Variants in TTC23L observed in about 807,000 individuals in gnomAD.
TTC23L encodes the protein tetratricopeptide repeat domain 23 like, also known as tetratricopeptide repeat protein 23-like.
TTC23L carries 42 observed loss-of-function variants against 48.1 expected under a neutral mutation model. The ratio of observed to expected loss-of-function variants is 0.87; its 90% CI spans 0.68 to 1.13. TTC23L has a LOEUF of 1.13. Ranked by LOEUF, TTC23L falls within the 50% of genes most tolerant of loss-of-function variation. The pLI, the probability that TTC23L is intolerant of heterozygous loss-of-function variation, is 0.00. For missense variants in TTC23L, 391 were observed against 421.0 expected (o/e 0.93, Z 0.62); for synonymous variants, 159 against 157.2 (o/e 1.01, Z -0.09).
chr5:34,881,899 G>A (rs1195227299), intron 9 of TTC23L, among the ~76,000 whole-genome samples: 8 of 149,356 alleles, frequency 5.4e-5, no homozygotes, highest in Non-Finnish European at 1.2e-4. Flanking sequence ...GGAACAGCTG[G>A]GATTACAGGC....
In TTC23L at chr5:34,863,057, A is replaced by G. The variant is rs752443931; in HGVS notation, c.536+3A>G. The G allele has an allele frequency of 6.2e-7, 1 of 1,613,750 alleles. No homozygotes were observed. Among genetic ancestry groups the G allele is most frequent in the South Asian group, 1.1e-5 (1 of 91,062 alleles). On this transcript the variant is annotated splice_donor_region_variant and intron_variant, in intron 5 of 10. Coordinates refer to ENST00000505624, the Ensembl canonical transcript of TTC23L. The surrounding 1 kb of genome is among the most constrained non-coding windows in gnomAD (Gnocchi z 4.1). ...GTGGCCTGGCTCCTGCAGAACCGAT[A>G]TCCTTCCATTCCTAGCTGCGTTTAG...
chr5:34,844,118 A>G (rs1438853428), intron 2 of TTC23L, among the ~76,000 whole-genome samples: 1 of 152,202 alleles, frequency 6.6e-6, no homozygotes, highest in Non-Finnish European at 1.5e-5. Flanking sequence ...GGAGTATGGA[A>G]TTCACCAGGC....
the TTC23L span, chr5:34,915,702 C>T: frequency 2.6e-6 from 4 of 1,562,750 alleles, no homozygotes; most frequent in Non-Finnish European, 3.5e-6. Flanking sequence ...AGCGGCAGCG[C>T]CGGAAAGGAG....
intron 9 of TTC23L, among the ~76,000 whole-genome samples, chr5:34,884,626 T>G (rs767323006): frequency 7.2e-5 from 11 of 151,964 alleles, no homozygotes; most frequent in Non-Finnish European, 1.5e-4. Flanking sequence ...ATCAGTTGTA[T>G]TTTTATATGC....
At chr5:34,872,573 TAGTAGG>T (rs1466611093) in intron 8 of TTC23L, among the ~76,000 whole-genome samples, 4 of 152,138 alleles carry the variant, frequency 2.6e-5, no homozygotes, top group African/African-American at 9.7e-5. Context: ...AATTCATAAC[TAGTAGG>T]AGTGAGTGTA....
the TTC23L span, chr5:34,913,438 A>G: frequency 7.6e-7 from 1 of 1,314,768 alleles, no homozygotes; most frequent in Non-Finnish European, 1.1e-6. Flanking sequence ...TATGTATAAC[A>G]CTTTTATGTC....
At chr5:34,918,664 A>G in the TTC23L span, 1 of 479,926 alleles carries the variant, frequency 2.1e-6, no homozygotes, top group Non-Finnish European at 3.7e-6. Context: ...TTCATTAGGT[A>G]GATTCTTTAC....
chr5:34,846,667 A>ATGTGTGTGTGTGTG (rs869123650), intron 3 of TTC23L, among the ~76,000 whole-genome samples: 1 of 66,346 alleles, frequency 1.5e-5, no homozygotes, highest in African/African-American at 5.0e-5. Flanking sequence ...ATATGTGTGT[A>ATGTGTGTGTGTGTG]TGTGTGTGTG....
chr5:34,886,085 C>T (rs1404317971), intron 9 of TTC23L, among the ~76,000 whole-genome samples: 2 of 152,094 alleles, frequency 1.3e-5, no homozygotes, highest in African/African-American at 4.8e-5. Flanking sequence ...TGATCTGGGG[C>T]AAGATCCTTA....
the TTC23L span, chr5:34,911,412 T>G: frequency 1.0e-6 from 1 of 1,002,754 alleles, no homozygotes; most frequent in South Asian, 1.7e-5. Flanking sequence ...ATCCATAAAA[T>G]TATGAGGTAA....
downstream of TTC23L, among the ~76,000 whole-genome samples, chr5:34,900,557 C>G (rs1360981531): frequency 2.6e-5 from 4 of 152,016 alleles, no homozygotes; most frequent in Non-Finnish European, 4.4e-5. Flanking sequence ...TTTATTGATT[C>G]CGTTAAGTTT....
intron 4 of TTC23L, among the ~76,000 whole-genome samples, chr5:34,853,900 G>A (rs756299552): frequency 6.6e-6 from 1 of 152,182 alleles, no homozygotes; most frequent in Non-Finnish European, 1.5e-5. Flanking sequence ...AACTTGAACT[G>A]AAGAGGAAGG....
chr5:34,866,900 T>C (rs1761087246), exon 7 of TTC23L: 1 of 1,595,836 alleles, frequency 6.3e-7, no homozygotes, highest in Admixed American at 1.7e-5. Context: ...AGAGCCTCCT[T>C]GGCCATCCAC....
chr5:34,924,423 G>A, the TTC23L span, among the ~76,000 whole-genome samples: 1 of 152,078 alleles, frequency 6.6e-6, no homozygotes, highest in South Asian at 2.1e-4. Flanking sequence ...AAATAAATTT[G>A]ACTACATATC....
chr5:34,891,736 A>G (rs149216404), intron 9 of TTC23L, among the ~76,000 whole-genome samples: 179 of 152,344 alleles, frequency 1.2e-3, no homozygotes, highest in African/African-American at 4.2e-3. Context: ...GTATTTAAAA[A>G]TAGACACTTC....
downstream of TTC23L, among the ~76,000 whole-genome samples, chr5:34,904,160 A>C (rs932621747): frequency 6.6e-6 from 1 of 151,276 alleles, no homozygotes; most frequent in African/African-American, 2.4e-5. Context: ...TTAGAGATGG[A>C]GTCTTGCTAT....
chr5:34,862,781 T>G, intron 4 of TTC23L, 117 bp from the exon 5 acceptor site: 1 of 1,189,576 alleles, frequency 8.4e-7, no homozygotes, highest in Non-Finnish European at 1.2e-6. Flanking sequence ...TAGGAACCAA[T>G]GCTATAGACC....
intron 9 of TTC23L, among the ~76,000 whole-genome samples, chr5:34,894,472 T>C (rs928164282): frequency 1.3e-5 from 2 of 152,178 alleles, no homozygotes; most frequent in African/African-American, 4.8e-5. Flanking sequence ...TATGTAAATA[T>C]GTAGTTAGTG....
At chr5:34,851,159 C>G (rs544266899) in intron 4 of TTC23L, among the ~76,000 whole-genome samples, 1 of 152,304 alleles carries the variant, frequency 6.6e-6, no homozygotes, top group South Asian at 2.1e-4. Flanking sequence ...CATATTACTG[C>G]TTATGAACTG....
Sources: gnomAD v4.1 joint callset for allele counts (sites outside exome capture counted in the v4.1 genomes callset) on GRCh38, gnomAD v4.1.1 for gene constraint, Gnocchi (gnomAD v3.1) non-coding constraint, MANE v1.5 for transcripts, NCBI Gene and HGNC (gene_info 2026-07-23, HGNC 2026-07-21) for gene names.